The following RRP15 variants were observed in gnomAD, a reference collection of about 807,000 sequenced individuals.
RRP15 encodes ribosomal RNA processing 15 homolog, also known as RRP15-like protein.
Under a neutral mutation model 27.1 loss-of-function variants are expected in RRP15, and 18 were observed. The observed-to-expected ratio is 0.66, with a 90% confidence interval of 0.46 to 0.98. The LOEUF is 0.98. Among genes scored for constraint, RRP15 ranks in the 50% least tolerant of loss-of-function variants. The pLI is 0.00. For synonymous variants in RRP15, 107 were observed against 109.4 expected, an observed-to-expected ratio of 0.98 and a Z score of 0.14; for missense variants, 359 against 337.8, an observed-to-expected ratio of 1.06 and a Z score of -0.49.
intron 4 of RRP15, among the ~76,000 whole-genome samples, chr1:218,324,121 G>A (rs1558211825): frequency 1.3e-5 from 2 of 152,120 alleles, no homozygotes; most frequent in South Asian, 2.1e-4. Flanking sequence ...CTGCCCCTCC[G>A]TGCCTGACTG....
chr1:218,286,856 T>A (rs371713489), intron 1 of RRP15, among the ~76,000 whole-genome samples: 8 of 152,364 alleles, frequency 5.3e-5, no homozygotes, highest in African/African-American at 1.9e-4. Context: ...TGATATTTTT[T>A]AAATTCATTA....
intron 4 of RRP15, among the ~76,000 whole-genome samples, chr1:218,314,729 A>G (rs1400142871): frequency 2.0e-5 from 3 of 152,134 alleles, no homozygotes; most frequent in Non-Finnish European, 4.4e-5. Context: ...ATGGTGGCTC[A>G]CATCTGTAAT....
chr1:218,337,442 G>A lies in RRP15; in HGVS notation c.*6351G>A, dbSNP rs1656466307. ...GCAAGAAATTTTTTAAAACTTACAA[G>A]TTCAGTGATATGAGGACATTTACAT... On this transcript the variant is annotated 3_prime_UTR_variant, in exon 5 of 5. Coordinates refer to ENST00000366932, the MANE Select transcript of RRP15 (RefSeq NM_016052.4). 2 of 152,138 alleles carry A rather than the reference G, an allele frequency of 1.3e-5. No homozygotes were observed. The highest frequency in any genetic ancestry group is 4.1e-4 in the South Asian group (2 of 4,830). The allele number at this position is 152,138 out of a possible 1,614,324, so 9.4% of individuals were successfully genotyped here. A position where few individuals can be genotyped will look rare whatever the true frequency, so the allele number is the denominator to read the frequency against.
At chr1:218,314,903 A>G (rs2102507425) in intron 4 of RRP15, among the ~76,000 whole-genome samples, 1 of 151,692 alleles carries the variant, frequency 6.6e-6, no homozygotes, top group East Asian at 1.9e-4. Flanking sequence ...GAGGCAGGAG[A>G]ATCGCTTGAA....
At position 218,335,513 on chromosome 1, in the gene RRP15, G is replaced by A. The variant is rs186254181; in HGVS notation, c.*4422G>A. ...TTTTTTGATGATGGAAATAATTTATGTCTGTGCTGTTCAATATGGTAGCCA... is the reference window on the plus strand; with the variant it reads ...TTTTTTGATGATGGAAATAATTTATATCTGTGCTGTTCAATATGGTAGCCA... On this transcript the variant is annotated 3_prime_UTR_variant, in exon 5 of 5. Transcript: ENST00000366932. 1 of 152,290 alleles carries A rather than the reference G, an allele frequency of 6.6e-6. No homozygotes were observed. The highest frequency in any genetic ancestry group is 1.9e-4 in the East Asian group (1 of 5,190). 9.4% of individuals were successfully genotyped at this position (152,290 alleles called of 1,614,324 possible).
chr1:218,305,076 G>C lies in RRP15; in HGVS notation c.454G>C (p.Val152Leu). The C allele has an allele frequency of 6.2e-7, 1 of 1,613,928 alleles. No homozygotes were observed. Among genetic ancestry groups the C allele is most frequent in the Non-Finnish European group, 8.5e-7 (1 of 1,179,864 alleles). The stretch of plus-strand genomic sequence containing the variant: ...AATGATGTGCAGAGTAAAGCCAGAT[G>C]TTGTCCAAGACAAAGAGACAGAGAG... The part of the protein sequence containing the change: ...WEMMCRVKPD[V>L]VQDKETERNL... Residue 152 changes from valine to leucine, a missense_variant, in exon 3 of 5, where the codon GTT becomes CTT. Coordinates refer to ENST00000366932, the MANE Select transcript of RRP15 (RefSeq NM_016052.4).
At chr1:218,299,087 G>A (rs191574682) in intron 1 of RRP15, among the ~76,000 whole-genome samples, 87 of 152,158 alleles carry the variant, frequency 5.7e-4, no homozygotes, top group Non-Finnish European at 9.9e-4. Context: ...ATAATATTTT[G>A]AGCCAGTTCT....
intron 4 of RRP15, among the ~76,000 whole-genome samples, chr1:218,329,772 G>C (rs1656336875): frequency 6.6e-6 from 1 of 151,288 alleles, no homozygotes; most frequent in African/African-American, 2.4e-5. Context: ...ACCTCAAGAA[G>C]ACAAGAGTGA....
rs539917891 is a variant in RRP15, at chr1:218,324,073, C to T, written c.706-6875C>T. On this transcript the variant is annotated intron_variant, in intron 4 of 4. Transcript: ENST00000366932. The stretch of plus-strand genomic sequence containing the variant: ...CCACCAGCTCTGTGGAGCCTGGCAC[C>T]GTCCCAGGCCCAAGTCCTCCTCTTG... Among the ~76,000 whole-genome samples, 11 of 152,294 alleles carry T rather than the reference C, an allele frequency of 7.2e-5. No individual in the cohort carries two copies. In the South Asian group the frequency reaches 1.5e-3, roughly 20 times the overall value.
At chr1:218,309,528 C>T (rs1045166152) in intron 4 of RRP15, among the ~76,000 whole-genome samples, 1 of 151,608 alleles carries the variant, frequency 6.6e-6, no homozygotes, top group East Asian at 1.9e-4. Context: ...ACTAAAAATA[C>T]AAAAATTAAC....
chr1:218,299,148 A>AT (rs374659734), intron 1 of RRP15, among the ~76,000 whole-genome samples: 4 of 152,102 alleles, frequency 2.6e-5, no homozygotes, highest in African/African-American at 7.2e-5. Context: ...AGTAAATCCT[A>AT]TTTTTTTAGT....
At chr1:218,319,172 C>T (rs1199915436) in intron 4 of RRP15, among the ~76,000 whole-genome samples, 1 of 151,746 alleles carries the variant, frequency 6.6e-6, no homozygotes, top group East Asian at 1.9e-4. Flanking sequence ...TCAAGTGGTT[C>T]TCCTACCTCA....
intron 1 of RRP15, among the ~76,000 whole-genome samples, chr1:218,293,305 G>A (rs1453463292): frequency 5.3e-5 from 8 of 152,058 alleles, no homozygotes; most frequent in Non-Finnish European, 7.4e-5. Flanking sequence ...GCTGTTTTCC[G>A]CTCATGAAAT....
At chr1:218,287,788 A>G (rs1054941268) in intron 1 of RRP15, among the ~76,000 whole-genome samples, 2 of 152,184 alleles carry the variant, frequency 1.3e-5, no homozygotes, top group African/African-American at 4.8e-5. Flanking sequence ...CCCAAATGTC[A>G]AAAGTATGTC....
chr1:218,292,112 A>T (rs1655654264), intron 1 of RRP15, among the ~76,000 whole-genome samples: 1 of 152,208 alleles, frequency 6.6e-6, no homozygotes, highest in South Asian at 2.1e-4. Flanking sequence ...TTGGGATTAC[A>T]GGCATGAGCC....
rs1420166304 is a variant in RRP15 at position 218,308,179 on chromosome 1, C to A, written c.705+547C>A. 3.6e-5 allele frequency among the ~76,000 whole-genome samples: 5 copies of A among 139,394 alleles called. No homozygotes were observed. In the Admixed American group the frequency reaches 3.9e-4, roughly 11 times the overall value. 91.4% of individuals were successfully genotyped at this position (139,394 alleles called of 152,430 possible). On this transcript the variant is annotated intron_variant, in intron 4 of 4. Transcript: ENST00000366932. The stretch of plus-strand genomic sequence containing the variant: ...CTCCGCCTCCCAGGTTCAAGCAATT[C>A]TCTTGCCTCAGCCTCCTGAGTAGCC...
At chr1:218,327,834 T>A (rs1378406989) in intron 4 of RRP15, among the ~76,000 whole-genome samples, 1 of 152,236 alleles carries the variant, frequency 6.6e-6, no homozygotes, top group Non-Finnish European at 1.5e-5. Flanking sequence ...ATATTAGATT[T>A]TCTAAAATCT....
rs548591172 is a variant in RRP15, at chr1:218,329,502, A to G, written c.706-1446A>G. ...AGTAGGTTTGATATTGTAGAAATAA[A>G]TGAAAAGTTGTTAATATACTCCAGT... On this transcript the variant is annotated intron_variant, in intron 4 of 4. Coordinates refer to ENST00000366932, the MANE Select transcript of RRP15 (RefSeq NM_016052.4). Among the ~76,000 whole-genome samples the G allele has an allele frequency of 3.9e-5, 6 of 152,308 alleles. No homozygotes were observed. In the East Asian group the frequency reaches 1.2e-3, roughly 29 times the overall value.
chr1:218,309,502 G>T (rs150847260), intron 4 of RRP15, among the ~76,000 whole-genome samples: 1,587 of 151,966 alleles, frequency 0.01, 31 homozygotes, highest in African/African-American at 0.036. Context: ...GGCCAACATG[G>T]TGAAACACTG....
Sources: allele counts gnomAD v4.1 joint callset (sites outside exome capture counted in the v4.1 genomes callset), GRCh38; gene constraint gnomAD v4.1.1; transcripts MANE v1.5; gene names NCBI Gene and HGNC (gene_info 2026-07-23, HGNC 2026-07-21).